Variants in RIT2 observed in about 807,000 individuals in gnomAD.
The protein encoded by RIT2 is Ras like without CAAX 2.
A neutral mutation model predicts 23.7 loss-of-function variants in RIT2; 24 were observed. That is an observed-to-expected ratio of 1.01 (90% CI 0.73 to 1.43). The LOEUF is 1.43. Among genes scored for constraint, RIT2 ranks in the 40% most tolerant of loss-of-function variants. The pLI, the probability that RIT2 is intolerant of heterozygous loss-of-function variation, is 0.00. For missense variants in RIT2, 236 were observed against 266.9 expected, an observed-to-expected ratio of 0.88 and a Z score of 0.81; for synonymous variants, 107 against 91.1, an observed-to-expected ratio of 1.17 and a Z score of -0.99.
chr18:42,869,893 C>A (rs1442895294), intron 4 of RIT2, among the ~76,000 whole-genome samples: 1 of 152,278 alleles, frequency 6.6e-6, no homozygotes, highest in East Asian at 1.9e-4. Flanking sequence ...AAGGTATAGT[C>A]CCACATATCC....
chr18:42,970,683 T>C (rs890948269), intron 3 of RIT2, among the ~76,000 whole-genome samples: 4 of 151,834 alleles, frequency 2.6e-5, no homozygotes, highest in South Asian at 2.1e-4. Flanking sequence ...ATGGTAATGG[T>C]TTGGTTTATT....
intron 1 of RIT2, among the ~76,000 whole-genome samples, chr18:43,089,921 A>G (rs1913381191): frequency 6.6e-6 from 1 of 152,144 alleles, no homozygotes; most frequent in Non-Finnish European, 1.5e-5. Context: ...ATATACATCC[A>G]AAACTATAAA....
At chr18:43,015,143 T>G (rs1158934941) in intron 2 of RIT2, among the ~76,000 whole-genome samples, 1 of 151,764 alleles carries the variant, frequency 6.6e-6, no homozygotes, top group African/African-American at 2.4e-5. Flanking sequence ...TTTAGCTGTA[T>G]AGTAGTTATA....
chr18:42,873,150 A>G (rs1006418288), intron 4 of RIT2, among the ~76,000 whole-genome samples: 3 of 152,146 alleles, frequency 2.0e-5, no homozygotes, highest in Non-Finnish European at 4.4e-5. Context: ...GGAATTCAAG[A>G]TGCTGTTTAA....
In RIT2 at chr18:42,838,570, AAGG is replaced by A. The variant is rs535758534; in HGVS notation, c.426+84999_426+85001del. Among the ~76,000 whole-genome samples, 14 of 152,288 alleles carry A rather than the reference AAGG, an allele frequency of 9.2e-5. No homozygotes were observed. In the South Asian group the frequency reaches 2.9e-3, roughly 32 times the overall value. On this transcript the variant is annotated intron_variant, in intron 4 of 4. Transcript: ENST00000326695. ...ATTTATAGTGAGAAAACTGAAATTC[AAGG>A]AGGTCAAATGACTCGTCCCTGGTCA...
chr18:42,923,785 AT>A (rs1343076915), intron 3 of RIT2, 22 bp from the exon 4 acceptor site: 6 of 1,510,486 alleles, frequency 4.0e-6, no homozygotes, highest in Admixed American at 3.9e-5. Context: ...AAAAAAAAAA[AT>A]TAGTTATGGG....
chr18:43,064,574 T>G (rs2144327128), intron 1 of RIT2, among the ~76,000 whole-genome samples: 1 of 152,276 alleles, frequency 6.6e-6, no homozygotes, highest in East Asian at 1.9e-4. Flanking sequence ...GAAAGAACGC[T>G]AGAGCAATAT....
chr18:42,932,852 T>G (rs1016615579), intron 3 of RIT2, among the ~76,000 whole-genome samples: 2 of 61,152 alleles, frequency 3.3e-5, no homozygotes, highest in South Asian at 7.4e-4. Flanking sequence ...ATTCTTCCTG[T>G]TTTTTTTTAT....
At chr18:42,974,389 A>G (rs1910433677) in intron 2 of RIT2, among the ~76,000 whole-genome samples, 1 of 152,000 alleles carries the variant, frequency 6.6e-6, no homozygotes, top group Non-Finnish European at 1.5e-5. Flanking sequence ...GAGGCGCCCT[A>G]GTGATGTTAC....
intron 4 of RIT2, among the ~76,000 whole-genome samples, chr18:42,752,645 A>C (rs1262972043): frequency 6.6e-6 from 1 of 152,160 alleles, no homozygotes; most frequent in Non-Finnish European, 1.5e-5. Flanking sequence ...TTCTGATGTG[A>C]GGTTTTACAA....
At position 43,115,579 on chromosome 18, in the gene RIT2, T is replaced by G; in HGVS notation, c.-60A>C. The G allele has an allele frequency of 6.3e-7, 1 of 1,577,512 alleles. No individual in the cohort carries two copies. The highest frequency in any genetic ancestry group is 8.6e-7 in the Non-Finnish European group (1 of 1,167,730). On this transcript the variant is annotated 5_prime_UTR_variant, in exon 1 of 5. Coordinates refer to ENST00000326695, the MANE Select transcript of RIT2 (RefSeq NM_002930.4). ...AAAGTCACCCGTGTCAGGTGCTTGC[T>G]CGAATATTAAGCAACTCTAAAACTG...
intron 3 of RIT2, among the ~76,000 whole-genome samples, chr18:42,958,768 G>T (rs1215191786): frequency 6.6e-6 from 1 of 152,076 alleles, no homozygotes; most frequent in Non-Finnish European, 1.5e-5. Context: ...CACAGAGCCA[G>T]GCTACCATCC....
intron 2 of RIT2, among the ~76,000 whole-genome samples, chr18:43,001,873 C>T (rs1911115862): frequency 6.6e-6 from 1 of 151,948 alleles, no homozygotes; most frequent in African/African-American, 2.4e-5. Flanking sequence ...GGAATAACTC[C>T]TCTCTCAGCT....
intron 4 of RIT2, among the ~76,000 whole-genome samples, chr18:42,831,131 T>C (rs1180545288): frequency 6.6e-6 from 1 of 152,232 alleles, no homozygotes; most frequent in Non-Finnish European, 1.5e-5. Context: ...GACTAACTAA[T>C]TATCATTTTA....
intron 4 of RIT2, among the ~76,000 whole-genome samples, chr18:42,803,621 G>T (rs1302112766): frequency 6.6e-6 from 1 of 152,094 alleles, no homozygotes; most frequent in Non-Finnish European, 1.5e-5. Flanking sequence ...GGATGCAGGG[G>T]TTTCCTTGGC....
chr18:42,775,860 T>TAA (rs1913658066), intron 4 of RIT2, among the ~76,000 whole-genome samples: 1 of 148,880 alleles, frequency 6.7e-6, no homozygotes, highest in Non-Finnish European at 1.5e-5. Context: ...CACACACACA[T>TAA]ACACACACAC....
At chr18:42,837,686 A>C (rs757831318) in intron 4 of RIT2, among the ~76,000 whole-genome samples, 1 of 152,150 alleles carries the variant, frequency 6.6e-6, no homozygotes, top group Non-Finnish European at 1.5e-5. Context: ...TGAGCAAAGA[A>C]AGTATTCGGA....
chr18:42,913,873 T>C lies in RIT2; in HGVS notation c.426+9699A>G, dbSNP rs1279886752. Reference sequence around the variant, plus strand: ...AAGTGTTCTCACCACAAAAAATAAGTATGTAGGGTAATGCATATGTTAACT... The same window carrying C: ...AAGTGTTCTCACCACAAAAAATAAGCATGTAGGGTAATGCATATGTTAACT... On this transcript the variant is annotated intron_variant, in intron 4 of 4. Coordinates refer to ENST00000326695, the MANE Select transcript of RIT2 (RefSeq NM_002930.4). Among the ~76,000 whole-genome samples the C allele has an allele frequency of 2.6e-5, 4 of 152,156 alleles. No individual in the cohort carries two copies. In the Middle Eastern group the frequency reaches 0.01, roughly 388 times the overall value.
At chr18:43,022,541 T>C (rs1911621398) in intron 2 of RIT2, among the ~76,000 whole-genome samples, 2 of 152,118 alleles carry the variant, frequency 1.3e-5, no homozygotes, top group Non-Finnish European at 2.9e-5. Flanking sequence ...ATTCTCTACA[T>C]GTAACAAGAC....
Sources: allele counts gnomAD v4.1 joint callset (sites outside exome capture counted in the v4.1 genomes callset), GRCh38; gene constraint gnomAD v4.1.1; transcripts MANE v1.5; gene names NCBI Gene and HGNC (gene_info 2026-07-23, HGNC 2026-07-21).